KDM6A: variants seen among roughly 807,000 people sequenced by gnomAD.
The protein encoded by KDM6A is lysine demethylase 6A.
In KDM6A, 11 loss-of-function variants were observed where a neutral mutation model predicts 117.6. That is an observed-to-expected ratio of 0.09 (90% CI 0.06 to 0.15). The LOEUF (loss-of-function observed/expected upper bound fraction) is 0.15. Among genes scored for constraint, KDM6A ranks in the 10% least tolerant of loss-of-function variants. The pLI is 1.00. For synonymous variants in KDM6A, 384 were observed against 396.1 expected (o/e 0.97, Z 0.36); for missense variants, 799 against 1,077.3 (o/e 0.74, Z 3.62).
intron 2 of KDM6A, among the ~76,000 whole-genome samples, chrX:44,910,244 T>C (rs1486818247): frequency 1.8e-5 from 2 of 112,076 alleles, no homozygotes; most frequent in African/African-American, 6.5e-5. Flanking sequence ...TGGAGTGCAG[T>C]GGCGTGATCT....
intron 8 of KDM6A, among the ~76,000 whole-genome samples, chrX:45,041,521 C>T (rs2043205063): frequency 9.3e-6 from 1 of 107,745 alleles, no homozygotes; most frequent in Admixed American, 9.6e-5. Flanking sequence ...CGGAGGGGCT[C>T]CTCACTTCTC....
chrX:44,993,124 T>G (rs1378407240), intron 4 of KDM6A, among the ~76,000 whole-genome samples: 2 of 111,646 alleles, frequency 1.8e-5, no homozygotes, highest in Non-Finnish European at 3.8e-5. Flanking sequence ...CTTGCAGAAA[T>G]GGGGTTTGTA....
At chrX:45,011,720 G>A (rs1374947918) in intron 5 of KDM6A, among the ~76,000 whole-genome samples, 3 of 111,340 alleles carry the variant, frequency 2.7e-5, no homozygotes, top group African/African-American at 6.5e-5. Context: ...GTTTGATCTT[G>A]AATTAAATAA....
At chrX:44,914,150 C>T (rs749796708) in intron 2 of KDM6A, among the ~76,000 whole-genome samples, 27 of 111,809 alleles carry the variant, frequency 2.4e-4, no homozygotes, top group Non-Finnish European at 4.5e-4. Flanking sequence ...CATTTGTTCC[C>T]GCATTAATTC....
chrX:45,080,142 A>G (rs943090526), intron 21 of KDM6A, among the ~76,000 whole-genome samples: 1 of 111,213 alleles, frequency 9.0e-6, no homozygotes, highest in African/African-American at 3.3e-5. Context: ...CTACTGATTT[A>G]GAGGATAAAC....
chrX:44,879,066 T>G (rs945311336), intron 2 of KDM6A, among the ~76,000 whole-genome samples: 3 of 111,908 alleles, frequency 2.7e-5, no homozygotes, highest in South Asian at 7.3e-4. Context: ...GATGAATTTT[T>G]GTGACTTAGG....
intron 3 of KDM6A, among the ~76,000 whole-genome samples, chrX:44,972,771 C>G (rs756448786): frequency 1.8e-5 from 2 of 111,499 alleles, no homozygotes; most frequent in African/African-American, 6.5e-5. Context: ...CATGGTGGCT[C>G]ACACCTGTAA....
At chrX:45,086,201 C>G in intron 25 of KDM6A, 1 of 337,077 alleles carries the variant, frequency 3.0e-6, no homozygotes, top group South Asian at 4.8e-5. Flanking sequence ...TAGTAGTACC[C>G]ATGAATTAAG....
chrX:44,934,827 G>T (rs1323964673), intron 2 of KDM6A, among the ~76,000 whole-genome samples: 1 of 111,339 alleles, frequency 9.0e-6, no homozygotes, highest in Non-Finnish European at 1.9e-5. Context: ...TAGAATTCTA[G>T]ATAGGAGTAG....
intron 8 of KDM6A, 128 bp downstream of exon 8, chrX:45,037,817 T>G: frequency 1.9e-6 from 1 of 536,801 alleles, no homozygotes; most frequent in Non-Finnish European, 3.1e-6. Flanking sequence ...TTAGGTAAAT[T>G]TTGTATTTTA....
At position 44,978,210 on chromosome X, in the gene KDM6A, C is replaced by T. The variant is rs192403061; in HGVS notation, c.384+3495C>T. Among the ~76,000 whole-genome samples the T allele has an allele frequency of 3.0e-4, 34 of 112,048 alleles. No homozygotes were observed. In the East Asian group the frequency reaches 9.2e-3, roughly 30 times the overall value. On this transcript the variant is annotated intron_variant, in intron 4 of 29. Coordinates refer to ENST00000611820, the MANE Select transcript of KDM6A (RefSeq NM_001291415.2). Reference sequence around the variant, plus strand: ...ATATTTTACATTTAAATTTCTGATCCGTTTGGGTTTTATTCTTGACTTACA... The same window carrying T: ...ATATTTTACATTTAAATTTCTGATCTGTTTGGGTTTTATTCTTGACTTACA...
intron 12 of KDM6A, among the ~76,000 whole-genome samples, chrX:45,059,687 T>C (rs1463440519): frequency 8.9e-6 from 1 of 112,252 alleles, no homozygotes; most frequent in Non-Finnish European, 1.9e-5. Context: ...ACTCTGTTGA[T>C]GCATATTAAT....
At chrX:44,992,468 C>G (rs1478255861) in intron 4 of KDM6A, among the ~76,000 whole-genome samples, 1 of 109,457 alleles carries the variant, frequency 9.1e-6, no homozygotes, top group Non-Finnish European at 1.9e-5. Flanking sequence ...ACGTGATCTG[C>G]CCACCTTGGC....
intron 5 of KDM6A, among the ~76,000 whole-genome samples, chrX:45,014,463 C>A (rs779966913): frequency 9.0e-6 from 1 of 111,414 alleles, no homozygotes; most frequent in East Asian, 2.8e-4. Flanking sequence ...TAAAAGATGC[C>A]CAGAAGGATA....
intron 3 of KDM6A, among the ~76,000 whole-genome samples, chrX:44,974,113 G>C (rs774821842): frequency 2.8e-4 from 31 of 111,224 alleles, no homozygotes; most frequent in African/African-American, 1.0e-3. Context: ...ATTGAGAACT[G>C]GAGGCTCTGA....
chrX:44,874,755 C>T (rs1602001644), intron 2 of KDM6A, among the ~76,000 whole-genome samples: 1 of 32,649 alleles, frequency 3.1e-5, no homozygotes, highest in Non-Finnish European at 5.3e-5. Flanking sequence ...CCCAAGATGG[C>T]GGGACAGGGT....
intron 2 of KDM6A, among the ~76,000 whole-genome samples, chrX:44,902,639 C>T (rs1192717539): frequency 8.9e-6 from 1 of 112,160 alleles, no homozygotes; most frequent in Non-Finnish European, 1.9e-5. Context: ...ATCCACCTGT[C>T]GGCCTCCCAA....
chrX:45,081,453 G>C (rs1200582410), intron 21 of KDM6A, among the ~76,000 whole-genome samples: 1 of 112,211 alleles, frequency 8.9e-6, no homozygotes, highest in African/African-American at 3.2e-5. Flanking sequence ...ATCCAGCAAT[G>C]TTCTAAACAT....
chrX:44,920,187 AT>A (rs2035821373), intron 2 of KDM6A, among the ~76,000 whole-genome samples: 1 of 111,852 alleles, frequency 8.9e-6, no homozygotes, highest in Admixed American at 9.5e-5. Context: ...AGTCTTCTCT[AT>A]CCTACTGATT....
Sources: allele counts gnomAD v4.1 joint callset (sites outside exome capture counted in the v4.1 genomes callset), GRCh38; gene constraint gnomAD v4.1.1; transcripts MANE v1.5; gene names NCBI Gene and HGNC (gene_info 2026-07-23, HGNC 2026-07-21).